RBFOX1: variants seen among roughly 807,000 people sequenced by gnomAD.
The protein encoded by RBFOX1 is RNA binding protein fox-1 homolog 1.
Under a neutral mutation model 57.7 loss-of-function variants are expected in RBFOX1, and 8 were observed. The observed-to-expected ratio is 0.14, with a 90% CI of 0.08 to 0.25. RBFOX1 has a LOEUF of 0.25. RBFOX1 is among the 10% of genes least tolerant of loss of function. The probability of loss-of-function intolerance (pLI) is 1.00; values close to 1 mark genes in which losing one functional copy is unlikely to be tolerated. For synonymous variants in RBFOX1, 326 were observed against 222.4 expected, an observed-to-expected ratio of 1.47 and a Z score of -4.15; for missense variants, 611 against 548.5, an observed-to-expected ratio of 1.11 and a Z score of -1.14.
chr16:7,078,154 C>G (rs1053657878), intron 4 of RBFOX1, among the ~76,000 whole-genome samples: 1 of 152,136 alleles, frequency 6.6e-6, no homozygotes, highest in Non-Finnish European at 1.5e-5. Context: ...TCTTTAGTCT[C>G]TGGATTTCAA....
intron 3 of RBFOX1, among the ~76,000 whole-genome samples, chr16:6,831,143 G>T (rs1319381930): frequency 6.6e-6 from 1 of 152,112 alleles, no homozygotes; most frequent in Non-Finnish European, 1.5e-5. Context: ...TTTGCAAGCG[G>T]TTTTGCTCAT....
At chr16:5,540,693 C>A (rs770936016) in intron 2 of RBFOX1, among the ~76,000 whole-genome samples, 1 of 152,140 alleles carries the variant, frequency 6.6e-6, no homozygotes, top group South Asian at 2.1e-4. Flanking sequence ...CTGGCACTGA[C>A]ATCACGGACT....
At chr16:6,565,712 C>T (rs1044383575) in intron 2 of RBFOX1, among the ~76,000 whole-genome samples, 5 of 152,178 alleles carry the variant, frequency 3.3e-5, no homozygotes, top group African/African-American at 9.7e-5. Context: ...TCGTGATCCG[C>T]CCGCTTTGGC....
chr16:6,581,464 A>T (rs145074510), intron 2 of RBFOX1, among the ~76,000 whole-genome samples: 9 of 152,294 alleles, frequency 5.9e-5, no homozygotes, highest in Non-Finnish European at 1.3e-4. Flanking sequence ...TGTTTTGGGA[A>T]ACAAGCCTTG....
intron 4 of RBFOX1, among the ~76,000 whole-genome samples, chr16:7,391,990 C>A (rs1414559394): frequency 6.6e-6 from 1 of 152,178 alleles, no homozygotes; most frequent in East Asian, 1.9e-4. Flanking sequence ...AATACAAGCT[C>A]TCTCTGTCTT....
intron 3 of RBFOX1, among the ~76,000 whole-genome samples, chr16:7,021,883 C>CTTTCTTTCTTCCT (rs1268104430): frequency 8.1e-6 from 1 of 123,916 alleles, no homozygotes; most frequent in Non-Finnish European, 1.6e-5. Flanking sequence ...CTTTCTCTCT[C>CTTTCTTTCTTCCT]TTTCTTTCTT....
Position 6,824,930 on chromosome 16 carries a change from C to G in RBFOX1, c.-16+170280C>G, listed in dbSNP as rs368140025. On this transcript the variant is annotated intron_variant, in intron 3 of 15. Coordinates refer to ENST00000550418, the MANE Select transcript of RBFOX1 (RefSeq NM_018723.4). ...TCTTCCCTAGAGGCAACCATTGGTA[C>G]ATGATTAAGTGCATCCTTCTACACT... Among the ~76,000 whole-genome samples, 43 of 142,146 alleles carry G rather than the reference C, an allele frequency of 3.0e-4. No individual in the cohort carries two copies. The South Asian group carries it at 5.2e-3, about 17-fold the overall frequency. The allele number at this position is 142,146 out of a possible 152,430, so 93.3% of individuals were successfully genotyped here. A position where few individuals can be genotyped will look rare whatever the true frequency, so the allele number is the denominator to read the frequency against.
At chr16:5,955,918 A>T (rs1211346194) in intron 4 of RBFOX1, among the ~76,000 whole-genome samples, 4 of 152,204 alleles carry the variant, frequency 2.6e-5, no homozygotes, top group Non-Finnish European at 4.4e-5. Context: ...TAAAAATGTG[A>T]TAATACCAAA....
chr16:6,453,260 C>G (rs2094679709), intron 2 of RBFOX1, among the ~76,000 whole-genome samples: 2 of 152,170 alleles, frequency 1.3e-5, no homozygotes, highest in Admixed American at 1.3e-4. Flanking sequence ...CATCCCTCCT[C>G]TAGCCCCCCA....
rs1182793948 is a variant in RBFOX1 at position 7,054,213 on chromosome 16, C to T, written c.27+2115C>T. Reference sequence around the variant, plus strand: ...CCCTTATTAAGGTGATTTTTTTTTTCGGGGGGGGGGGGCGGGGAGCTTTTT... The same window carrying T: ...CCCTTATTAAGGTGATTTTTTTTTTTGGGGGGGGGGGGCGGGGAGCTTTTT... On this transcript the variant is annotated intron_variant, in intron 4 of 15. Transcript: ENST00000550418. 1.1e-3 allele frequency among the ~76,000 whole-genome samples: 19 copies of T among 17,828 alleles called. 1 individual carries two copies. The highest frequency in any genetic ancestry group is 5.2e-3 in the Admixed American group (4 of 774). The allele number at this position is 17,828 out of a possible 152,430, so 11.7% of individuals were successfully genotyped here. A position where few individuals can be genotyped will look rare whatever the true frequency, so the allele number is the denominator to read the frequency against.
intron 3 of RBFOX1, among the ~76,000 whole-genome samples, chr16:5,715,535 A>G (rs1402117686): frequency 6.6e-6 from 1 of 152,244 alleles, no homozygotes; most frequent in African/African-American, 2.4e-5. Context: ...AGTCCAGTTG[A>G]CTGATCTCTC....
rs28702018 is a variant in RBFOX1 at position 6,302,715 on chromosome 16, T to C, written c.-126-14280T>C. 9.6e-3 allele frequency among the ~76,000 whole-genome samples: 1,468 copies of C among 152,268 alleles called. 26 individuals are homozygous for C. The highest frequency in any genetic ancestry group is 0.033 in the African/African-American group (1,376 of 41,540). On this transcript the variant is annotated intron_variant, in intron 1 of 15. Coordinates refer to ENST00000550418, the MANE Select transcript of RBFOX1 (RefSeq NM_018723.4). The stretch of plus-strand genomic sequence containing the variant: ...TTTAAAACAAGAAGGTCTAATCTCT[T>C]TCTTGTGCAAACAGGAGACTGAGGC...
At chr16:6,693,211 T>A (rs1159119712) in intron 3 of RBFOX1, among the ~76,000 whole-genome samples, 1 of 150,856 alleles carries the variant, frequency 6.6e-6, no homozygotes, top group Non-Finnish European at 1.5e-5. Context: ...ACCACCATCA[T>A]CATCACCGTC....
chr16:6,954,588 A>G (rs201435908), intron 3 of RBFOX1, among the ~76,000 whole-genome samples: 213 of 152,254 alleles, frequency 1.4e-3, no homozygotes, highest in Middle Eastern at 3.4e-3. Flanking sequence ...TTATGATCCT[A>G]TATCCTCCTC....
chr16:7,370,835 T>G (rs1221953526), intron 4 of RBFOX1, among the ~76,000 whole-genome samples: 2 of 152,230 alleles, frequency 1.3e-5, no homozygotes, highest in African/African-American at 4.8e-5. Context: ...TAGTCTTTGG[T>G]AGGCATGATT....
chr16:6,442,582 A>G (rs1710518794), intron 2 of RBFOX1, among the ~76,000 whole-genome samples: 1 of 148,888 alleles, frequency 6.7e-6, no homozygotes, highest in South Asian at 2.1e-4. Context: ...AAAAAAAAAG[A>G]AACAGTGTTC....
chr16:6,790,195 A>ATTATTATTATTG (rs1476291115), intron 3 of RBFOX1, among the ~76,000 whole-genome samples: 4 of 148,178 alleles, frequency 2.7e-5, no homozygotes, highest in Non-Finnish European at 6.0e-5. Flanking sequence ...TATTATTATT[A>ATTATTATTATTG]TTATTTTATG....
intron 2 of RBFOX1, among the ~76,000 whole-genome samples, chr16:6,411,638 G>T (rs559089758): frequency 6.6e-6 from 1 of 152,306 alleles, no homozygotes; most frequent in South Asian, 2.1e-4. Flanking sequence ...TGCTATTTAT[G>T]AGTTAAAAGT....
At chr16:6,805,794 G>A (rs1319406997) in intron 3 of RBFOX1, among the ~76,000 whole-genome samples, 1 of 152,154 alleles carries the variant, frequency 6.6e-6, no homozygotes, top group Non-Finnish European at 1.5e-5. Context: ...GCCATGTGGA[G>A]ATTTTCACAT....
Sources: allele counts gnomAD v4.1 joint callset (sites outside exome capture counted in the v4.1 genomes callset), GRCh38; gene constraint gnomAD v4.1.1; transcripts MANE v1.5; gene names NCBI Gene and HGNC (gene_info 2026-07-23, HGNC 2026-07-21).